The following DMRT1 variants were observed in gnomAD, a reference collection of about 807,000 sequenced individuals.
DMRT1 encodes the protein doublesex- and mab-3-related transcription factor 1.
DMRT1 carries 7 observed loss-of-function variants against 32.3 expected under a neutral mutation model. That is an observed-to-expected ratio of 0.22 (90% CI 0.12 to 0.41). The LOEUF (loss-of-function observed/expected upper bound fraction) is 0.41, where lower values mean the gene tolerates loss of function less well. Among genes scored for constraint, DMRT1 ranks in the 10% least tolerant of loss-of-function variants. The pLI, the probability that DMRT1 is intolerant of heterozygous loss-of-function variation, is 1.00. For synonymous variants in DMRT1, 278 were observed against 206.1 expected (o/e 1.35, Z -2.99); for missense variants, 625 against 500.5 (o/e 1.25, Z -2.37).
chr9:914,438 G>C (rs988006115), intron 3 of DMRT1, among the ~76,000 whole-genome samples: 6 of 151,924 alleles, frequency 3.9e-5, no homozygotes, highest in Non-Finnish European at 8.8e-5. Context: ...GCCAGGCATG[G>C]TGGCGGGCGC....
At chr9:925,149 T>A (rs1235551820) in intron 4 of DMRT1, among the ~76,000 whole-genome samples, 1 of 152,076 alleles carries the variant, frequency 6.6e-6, no homozygotes, top group African/African-American at 2.4e-5. Flanking sequence ...ACACGGAGGG[T>A]CAGCTTCGTA....
chr9:867,743 C>G (rs1249677014), intron 2 of DMRT1, among the ~76,000 whole-genome samples: 1 of 152,080 alleles, frequency 6.6e-6, no homozygotes. Flanking sequence ...GTAACTGGGA[C>G]CCAGTAGGTG....
intron 3 of DMRT1, among the ~76,000 whole-genome samples, chr9:902,540 A>G (rs1210966969): frequency 1.7e-4 from 25 of 150,130 alleles, no homozygotes; most frequent in African/African-American, 4.4e-4. Flanking sequence ...AGGCTGGAGT[A>G]CACCAATGCA....
chr9:954,639 T>C (rs1819537683), intron 4 of DMRT1, among the ~76,000 whole-genome samples: 1 of 151,990 alleles, frequency 6.6e-6, no homozygotes, highest in Non-Finnish European at 1.5e-5. Context: ...TTGTTTGGGC[T>C]TTATTTTATT....
Position 894,119 on chromosome 9 carries a change from G to T in DMRT1, c.746G>T (p.Gly249Val). ...SASGEVGNPL[G>V]GSPVKNSLRG... The stretch of plus-strand genomic sequence containing the variant: ...TCTGGGGAGGTGGGAAATCCCCTCG[G>T]GGGATCCCCTGTGAAGAACAGCCTT... The change falls in exon 3 of 5, where the codon GGG becomes GTG. Residue 249 changes from glycine (G) to valine (V), a missense_variant. This residue lies in a region of DMRT1 where 416 missense variants were observed against 321.6 expected (regional missense o/e 1.29). Transcript: ENST00000382276. 6.2e-7 allele frequency: 1 copy of T among 1,614,250 alleles called. No homozygotes were observed. The highest frequency in any genetic ancestry group is 8.5e-7 in the Non-Finnish European group (1 of 1,180,050).
intron 4 of DMRT1, among the ~76,000 whole-genome samples, chr9:936,893 C>T (rs767107942): frequency 6.6e-6 from 1 of 152,062 alleles, no homozygotes; most frequent in Admixed American, 6.6e-5. Context: ...AATTCAGTAG[C>T]GTTAAATGCA....
intron 2 of DMRT1, among the ~76,000 whole-genome samples, chr9:860,261 T>C (rs1468924220): frequency 1.3e-5 from 2 of 152,114 alleles, no homozygotes; most frequent in Non-Finnish European, 2.9e-5. Context: ...CGTGCCATTG[T>C]ACTCCAGCCT....
At chr9:846,395 T>G (rs769516975) in intron 1 of DMRT1, among the ~76,000 whole-genome samples, 3 of 152,116 alleles carry the variant, frequency 2.0e-5, no homozygotes, top group Admixed American at 6.6e-5. Flanking sequence ...GTACCTGTTT[T>G]TAGTACAGTG....
chr9:880,077 G>A (rs13284741), intron 2 of DMRT1, among the ~76,000 whole-genome samples: 2 of 152,180 alleles, frequency 1.3e-5, no homozygotes, highest in Non-Finnish European at 2.9e-5. Flanking sequence ...TGAAGTGACA[G>A]GCTCACTTAG....
chr9:857,315 TA>T (rs752298520), intron 2 of DMRT1, among the ~76,000 whole-genome samples: 5 of 151,480 alleles, frequency 3.3e-5, no homozygotes, highest in Admixed American at 1.3e-4. Context: ...TCAAAAAAAA[TA>T]TATATATGTG....
chr9:845,453 C>G (rs149513403), intron 1 of DMRT1, among the ~76,000 whole-genome samples: 3,355 of 152,214 alleles, frequency 0.022, 115 homozygotes, highest in African/African-American at 0.076. Flanking sequence ...GGTGATACAC[C>G]TGCCTCAGCA....
intron 4 of DMRT1, among the ~76,000 whole-genome samples, chr9:956,617 C>A (rs1819611874): frequency 6.6e-6 from 1 of 150,702 alleles, no homozygotes; most frequent in African/African-American, 2.4e-5. Flanking sequence ...GCCATACAGA[C>A]AATTTTTAAA....
chr9:924,462 A>G (rs1818458479), intron 4 of DMRT1, among the ~76,000 whole-genome samples: 1 of 152,224 alleles, frequency 6.6e-6, no homozygotes, highest in Non-Finnish European at 1.5e-5. Context: ...CACATAAGGA[A>G]TTATGTAAAA....
chr9:919,429 G>A (rs555640117), intron 4 of DMRT1, among the ~76,000 whole-genome samples: 1 of 143,650 alleles, frequency 7.0e-6, no homozygotes, highest in Admixed American at 6.9e-5. Flanking sequence ...GGGGGGAGGG[G>A]GGCATTTTAC....
chr9:842,448 C>G (rs1333819321), intron 1 of DMRT1: 11 of 506,526 alleles, frequency 2.2e-5, no homozygotes, highest in Admixed American at 1.0e-4. Flanking sequence ...ATTGGTCAGG[C>G]CGGTCTCGAG....
intron 2 of DMRT1, among the ~76,000 whole-genome samples, chr9:862,404 G>A (rs1402071988): frequency 6.6e-6 from 1 of 151,886 alleles, no homozygotes; most frequent in Non-Finnish European, 1.5e-5. Flanking sequence ...GGCAGGCTGA[G>A]GCAGGAGAAT....
In DMRT1 at chr9:919,646, A is replaced by T. The variant is rs905609455; in HGVS notation, c.967+2739A>T. ...AGATGGGGAGCCATAGCAGGGTTCA[A>T]GCACAGGGTGATTTGTCTGTCTTGT... On this transcript the variant is annotated intron_variant, in intron 4 of 4. Coordinates refer to ENST00000382276, the MANE Select transcript of DMRT1 (RefSeq NM_021951.3). 2.6e-5 allele frequency among the ~76,000 whole-genome samples: 4 copies of T among 152,156 alleles called. No individual in the cohort carries two copies. The South Asian group carries it at 8.3e-4, about 32-fold the overall frequency.
At chr9:935,817 C>G (rs1390254241) in intron 4 of DMRT1, among the ~76,000 whole-genome samples, 1 of 152,130 alleles carries the variant, frequency 6.6e-6, no homozygotes, top group Admixed American at 6.5e-5. Flanking sequence ...ACTTATCAAA[C>G]CAAATGTTTG....
chr9:961,080 A>G (rs1819756782), intron 4 of DMRT1, among the ~76,000 whole-genome samples: 1 of 152,198 alleles, frequency 6.6e-6, no homozygotes, highest in South Asian at 2.1e-4. Context: ...AAGCAGAGAC[A>G]TGGAGAGGTT....
Sources: allele counts gnomAD v4.1 joint callset (sites outside exome capture counted in the v4.1 genomes callset), GRCh38; gene constraint gnomAD v4.1.1; regional missense constraint gnomAD v4.1.1; transcripts MANE v1.5; gene names NCBI Gene and HGNC (gene_info 2026-07-23, HGNC 2026-07-21).